Variants in WNT2B observed in about 807,000 individuals in gnomAD.
WNT2B encodes the protein Wnt family member 2B, also known as protein Wnt-2b.
A neutral mutation model predicts 40.5 loss-of-function variants in WNT2B; 19 were observed. The observed-to-expected ratio is 0.47, with a 90% confidence interval of 0.33 to 0.69. WNT2B has a LOEUF of 0.69. WNT2B is among the 30% of genes least tolerant of loss of function. WNT2B has a pLI of 0.02. For missense variants in WNT2B, 467 were observed against 556.4 expected, an observed-to-expected ratio of 0.84 and a Z score of 1.62; for synonymous variants, 220 against 211.9, an observed-to-expected ratio of 1.04 and a Z score of -0.33.
Position 112,509,181 on chromosome 1 carries a change from G to T in WNT2B, c.-82G>T. 7.1e-7 allele frequency: 1 copy of T among 1,399,434 alleles called. No homozygotes were observed. The allele number at this position is 1,399,434 out of a possible 1,614,324, so 86.7% of individuals were successfully genotyped here. A position where few individuals can be genotyped will look rare whatever the true frequency, so the allele number is the denominator to read the frequency against. On this transcript the variant is annotated 5_prime_UTR_variant, in exon 1 of 5. An upstream open reading frame in the 5' UTR gains an earlier in-frame stop. Transcript: ENST00000369684. This position sits in a 1 kb window ranked among gnomAD's most constrained non-coding sequence, Gnocchi z 4.2. ...GAACACCATGGCCCCCCAGGGGGGT[G>T]AGGTAGGAGCAGCCTGAGTACCCCC...
chr1:112,498,170 T>A (rs1221564784), intron 1 of WNT2B, among the ~76,000 whole-genome samples: 5 of 151,988 alleles, frequency 3.3e-5, no homozygotes, highest in Non-Finnish European at 4.4e-5. Flanking sequence ...TTTGTTTTTC[T>A]GTTCCTGTGT....
chr1:112,506,964 G>T (rs955316776), upstream of WNT2B, among the ~76,000 whole-genome samples: 2 of 152,102 alleles, frequency 1.3e-5, no homozygotes, highest in East Asian at 3.9e-4. Context: ...AGCACCTCAG[G>T]GACTCATCTG....
intron 1 of WNT2B, among the ~76,000 whole-genome samples, chr1:112,513,130 CA>C (rs58711850): frequency 0.15 from 23,385 of 151,500 alleles, 2,468 homozygotes; most frequent in East Asian, 0.38. Flanking sequence ...TAAAAAAAAA[CA>C]AAAAAACACA....
At chr1:112,491,260 T>C (rs1651595183) in intron 1 of WNT2B, among the ~76,000 whole-genome samples, 1 of 151,946 alleles carries the variant, frequency 6.6e-6, no homozygotes, top group South Asian at 2.1e-4. Flanking sequence ...ATACAAAAAT[T>C]AGCTGGGCGT....
chr1:112,497,988 G>A (rs111822263), intron 1 of WNT2B, among the ~76,000 whole-genome samples: 25 of 151,530 alleles, frequency 1.6e-4, no homozygotes, highest in Non-Finnish European at 2.5e-4. Flanking sequence ...ATGTACCATG[G>A]TGGTTTGCTG....
chr1:112,514,805 C>T, intron 1 of WNT2B, 69 bp from the exon 2 acceptor site: 1 of 1,490,490 alleles, frequency 6.7e-7, no homozygotes, highest in Non-Finnish European at 9.4e-7. Context: ...TAAACGTACC[C>T]CTTCCTTATT....
intron 1 of WNT2B, among the ~76,000 whole-genome samples, chr1:112,495,954 T>C (rs1007295074): frequency 1.3e-5 from 2 of 152,132 alleles, no homozygotes; most frequent in Non-Finnish European, 2.9e-5. Context: ...GCAAAAAGGA[T>C]AAACTCCCTC....
Position 112,527,284 on chromosome 1 carries a change from G to A in WNT2B, c.*6775G>A, listed in dbSNP as rs1195159960. ...CTGACCTGGGCCCCTACTTGAGCTA[G>A]GAGAAGAACACCTCATGAAAACAGT... On this transcript the variant is annotated 3_prime_UTR_variant, in exon 5 of 5. Coordinates refer to ENST00000369684, the MANE Select transcript of WNT2B (RefSeq NM_024494.3). 1 of 152,336 alleles carries A rather than the reference G, an allele frequency of 6.6e-6. No homozygotes were observed. Among genetic ancestry groups the A allele is most frequent in the Non-Finnish European group, 1.5e-5 (1 of 68,114 alleles). The allele number at this position is 152,336 out of a possible 1,614,324, so 9.4% of individuals were successfully genotyped here. A position where few individuals can be genotyped will look rare whatever the true frequency, so the allele number is the denominator to read the frequency against.
upstream of WNT2B, among the ~76,000 whole-genome samples, chr1:112,507,571 C>T (rs1652152626): frequency 6.6e-6 from 1 of 152,116 alleles, no homozygotes; most frequent in Admixed American, 6.5e-5. Flanking sequence ...TTAAAGGTTC[C>T]TCTGAAACCT....
intron 1 of WNT2B, among the ~76,000 whole-genome samples, chr1:112,474,814 A>G (rs1651006984): frequency 6.6e-6 from 1 of 152,200 alleles, no homozygotes; most frequent in Admixed American, 6.5e-5. Flanking sequence ...TGAATAGTTT[A>G]GCACCCTTGG....
Position 112,509,543 on chromosome 1 carries a change from G to A in WNT2B, c.182+99G>A. ...GCTCACGGGACCAGGCTGTTGCTTCGACGGGTTGGAGACGATTCGGGCAGG... is the reference window on the plus strand; with the variant it reads ...GCTCACGGGACCAGGCTGTTGCTTCAACGGGTTGGAGACGATTCGGGCAGG... On this transcript the variant is annotated intron_variant, in intron 1 of 4. Coordinates refer to ENST00000369684, the MANE Select transcript of WNT2B (RefSeq NM_024494.3). The surrounding 1 kb of genome is among the most constrained non-coding windows in gnomAD (Gnocchi z 4.2). 1 of 1,344,368 alleles carries A rather than the reference G, an allele frequency of 7.4e-7. No individual in the cohort carries two copies. The highest frequency in any genetic ancestry group is 9.8e-7 in the Non-Finnish European group (1 of 1,023,550). 83.3% of individuals were successfully genotyped at this position (1,344,368 alleles called of 1,614,324 possible). A position where few individuals can be genotyped will look rare whatever the true frequency, so the allele number is the denominator to read the frequency against.
At chr1:112,470,688 A>G (rs1192340390) in intron 1 of WNT2B, among the ~76,000 whole-genome samples, 1 of 151,986 alleles carries the variant, frequency 6.6e-6, no homozygotes, top group Non-Finnish European at 1.5e-5. Flanking sequence ...CTGCTCCACC[A>G]GTGGGGGTAG....
rs928170826 is a variant in WNT2B, at chr1:112,526,283, A to G, written c.*5774A>G. On this transcript the variant is annotated 3_prime_UTR_variant, in exon 5 of 5. Transcript: ENST00000369684. ...CTATTACCACCAGTACCATGTGACC[A>G]CTATACAACATATTCCACATTTAAA... 7 of 717,122 alleles carry G rather than the reference A, an allele frequency of 9.8e-6. No homozygotes were observed. The African/African-American group carries it at 1.2e-4, about 13-fold the overall frequency. The allele number at this position is 717,122 out of a possible 1,614,324, so 44.4% of individuals were successfully genotyped here. A position where few individuals can be genotyped will look rare whatever the true frequency, so the allele number is the denominator to read the frequency against.
In WNT2B at chr1:112,526,081, C is replaced by A. The variant is rs1653318724; in HGVS notation, c.*5572C>A. The A allele has an allele frequency of 6.2e-7, 1 of 1,614,014 alleles. No homozygotes were observed. The highest frequency in any genetic ancestry group is 1.1e-5 in the South Asian group (1 of 91,076). Reference sequence around the variant, plus strand: ...GTATTCTCCTCAAAGCCTGAGGATGCCCAGGGTTGGGGGCACCAGAGTCCC... The same window carrying A: ...GTATTCTCCTCAAAGCCTGAGGATGACCAGGGTTGGGGGCACCAGAGTCCC... On this transcript the variant is annotated 3_prime_UTR_variant, in exon 5 of 5. Transcript: ENST00000369684.
At position 112,525,659 on chromosome 1, in the gene WNT2B, T is replaced by C. The variant is rs115875134; in HGVS notation, c.*5150T>C. ...TTTGCTCACTTCCATTCTATGAGTA[T>C]ATCGATGGAGCAGCTGGACATTAGA... is the stretch of plus-strand genomic sequence containing the variant. On this transcript the variant is annotated 3_prime_UTR_variant, in exon 5 of 5. Coordinates refer to ENST00000369684, the MANE Select transcript of WNT2B (RefSeq NM_024494.3). 1,272 of 182,808 alleles carry C rather than the reference T, an allele frequency of 7.0e-3. 9 individuals carry two copies. Among genetic ancestry groups the C allele is most frequent in the Non-Finnish European group, 0.011 (937 of 86,548 alleles). The allele number at this position is 182,808 out of a possible 1,614,324, so 11.3% of individuals were successfully genotyped here.
rs1023304893 is a variant in WNT2B, at chr1:112,509,224, C to T, written c.-39C>T. On this transcript the variant is annotated 5_prime_UTR_variant, in exon 1 of 5. In the 5' UTR this introduces an upstream ATG that the reference lacks. Transcript: ENST00000369684. This position sits in a 1 kb window ranked among gnomAD's most constrained non-coding sequence, Gnocchi z 4.2. ...GTACCCCCAGAAGGTGCCCCGTCCACGCCCCTCCGGGCTGCGCGGCGGGAG... is the reference window on the plus strand; with the variant it reads ...GTACCCCCAGAAGGTGCCCCGTCCATGCCCCTCCGGGCTGCGCGGCGGGAG... 1.4e-6 allele frequency: 2 copies of T among 1,476,434 alleles called. No homozygotes were observed. The highest frequency in any genetic ancestry group is 8.9e-7 in the Non-Finnish European group (1 of 1,123,236). 91.5% of individuals were successfully genotyped at this position (1,476,434 alleles called of 1,614,324 possible).
intron 1 of WNT2B, among the ~76,000 whole-genome samples, chr1:112,470,582 G>A (rs894212905): frequency 7.9e-5 from 12 of 152,050 alleles, no homozygotes; most frequent in African/African-American, 2.7e-4. Flanking sequence ...AGTGAGACTC[G>A]TCTCTAAATA....
Position 112,515,986 on chromosome 1 carries a change from G to C in WNT2B, c.404-154G>C, listed in dbSNP as rs1350406900. On this transcript the variant is annotated intron_variant, in intron 2 of 4. Coordinates refer to ENST00000369684, the MANE Select transcript of WNT2B (RefSeq NM_024494.3). The surrounding 1 kb of genome is among the most constrained non-coding windows in gnomAD (Gnocchi z 4.4). ...GTCAGATACTCTGGGGAATGCTCTT[G>C]GAAATGAAAGGCACCTTGAATAAAG... Among the ~76,000 whole-genome samples the C allele has an allele frequency of 6.6e-6, 1 of 152,116 alleles. No individual in the cohort carries two copies. The highest frequency in any genetic ancestry group is 1.5e-5 in the Non-Finnish European group (1 of 68,022).
In WNT2B at chr1:112,529,658, T is replaced by G. The variant is rs1467405491; in HGVS notation, c.*9149T>G. 1 of 151,554 alleles carries G rather than the reference T, an allele frequency of 6.6e-6. No individual in the cohort carries two copies. Among genetic ancestry groups the G allele is most frequent in the Non-Finnish European group, 1.5e-5 (1 of 67,968 alleles). The allele number at this position is 151,554 out of a possible 1,614,324, so 9.4% of individuals were successfully genotyped here. On this transcript the variant is annotated 3_prime_UTR_variant, in exon 5 of 5. Transcript: ENST00000369684. ...ACTGGTTAAGCAACCAGGGAAATGT[T>G]ATTGCTCAAAATGCAATTTTAAAAA...
Sources: gnomAD v4.1 joint callset for allele counts (sites outside exome capture counted in the v4.1 genomes callset) on GRCh38, gnomAD v4.1.1 for gene constraint, Gnocchi (gnomAD v3.1) non-coding constraint, MANE v1.5 for transcripts, NCBI Gene and HGNC (gene_info 2026-07-23, HGNC 2026-07-21) for gene names.